The following CDH13 variants were observed in gnomAD, a reference collection of about 807,000 sequenced individuals.
CDH13 encodes the protein cadherin-13.
Under a neutral mutation model 63.8 loss-of-function variants are expected in CDH13, and 24 were observed. The observed-to-expected ratio is 0.38, with a 90% CI of 0.27 to 0.53. CDH13 has a LOEUF of 0.53. CDH13 is among the 20% of genes least tolerant of loss of function. CDH13 has a pLI of 0.85. For missense variants in CDH13, 1,049 were observed against 903.1 expected (o/e 1.16, Z -2.07); for synonymous variants, 503 against 355.3 (o/e 1.42, Z -4.67).
At chr16:82,733,398 G>A (rs976010914) in intron 1 of CDH13, among the ~76,000 whole-genome samples, 14 of 152,160 alleles carry the variant, frequency 9.2e-5, no homozygotes, top group South Asian at 4.2e-4. Context: ...GATCTATTGC[G>A]TGTATATGTG....
At position 82,757,026 on chromosome 16, in the gene CDH13, A is replaced by G. The variant is rs1311978415; in HGVS notation, c.46-101336A>G. On this transcript the variant is annotated intron_variant, in intron 1 of 13. Transcript: ENST00000567109. ...CTTTTCCTCTTTCTTTGCCTGGCAAACTGTTACTTGCCCATCAGGATCCAT... is the reference window on the plus strand; with the variant it reads ...CTTTTCCTCTTTCTTTGCCTGGCAAGCTGTTACTTGCCCATCAGGATCCAT... 2.0e-5 allele frequency among the ~76,000 whole-genome samples: 3 copies of G among 151,866 alleles called. No individual in the cohort carries two copies. The East Asian group carries it at 5.8e-4, about 29-fold the overall frequency.
intron 6 of CDH13, among the ~76,000 whole-genome samples, chr16:83,345,903 C>T (rs959250899): frequency 3.9e-5 from 6 of 152,042 alleles, no homozygotes; most frequent in East Asian, 1.9e-4. Context: ...GAGATGAGAG[C>T]GGCTTTTACT....
At chr16:83,254,208 C>T (rs1174018822) in intron 5 of CDH13, among the ~76,000 whole-genome samples, 1 of 152,174 alleles carries the variant, frequency 6.6e-6, no homozygotes, top group East Asian at 1.9e-4. Flanking sequence ...TTAGCCTCCC[C>T]ACCTGGGGAT....
chr16:82,691,922 C>T (rs1487874918), intron 1 of CDH13, among the ~76,000 whole-genome samples: 1 of 151,998 alleles, frequency 6.6e-6, no homozygotes, highest in Non-Finnish European at 1.5e-5. Flanking sequence ...CTGCCAGCAA[C>T]CTGTATTTTC....
intron 3 of CDH13, among the ~76,000 whole-genome samples, chr16:83,105,706 G>A (rs2034729839): frequency 6.6e-6 from 1 of 152,190 alleles, no homozygotes; most frequent in Admixed American, 6.5e-5. Flanking sequence ...GGACCTGGCA[G>A]ATGAAACCAG....
chr16:82,808,101 T>C (rs930876001), intron 1 of CDH13, among the ~76,000 whole-genome samples: 1 of 152,172 alleles, frequency 6.6e-6, no homozygotes, highest in Non-Finnish European at 1.5e-5. Context: ...TCCAGCTAAC[T>C]AGCTCAGTGA....
intron 7 of CDH13, among the ~76,000 whole-genome samples, chr16:83,580,869 G>T (rs1038063654): frequency 6.6e-6 from 1 of 152,114 alleles, no homozygotes; most frequent in East Asian, 1.9e-4. Flanking sequence ...GGAGTTAATT[G>T]TAAGTAGAAA....
At chr16:82,935,120 C>T (rs921352651) in intron 2 of CDH13, among the ~76,000 whole-genome samples, 1 of 152,186 alleles carries the variant, frequency 6.6e-6, no homozygotes, top group African/African-American at 2.4e-5. Flanking sequence ...GTTTAATTGA[C>T]TCACAGTTTT....
intron 7 of CDH13, among the ~76,000 whole-genome samples, chr16:83,487,173 T>C (rs369176207): frequency 2.6e-5 from 4 of 152,156 alleles, no homozygotes; most frequent in African/African-American, 9.7e-5. Context: ...CCGTGAAATC[T>C]CCCCCGTCTC....
intron 6 of CDH13, among the ~76,000 whole-genome samples, chr16:83,420,985 C>G (rs1052390346): frequency 7.2e-5 from 11 of 152,178 alleles, no homozygotes; most frequent in African/African-American, 2.7e-4. Context: ...TTTGTTCTAG[C>G]CATGCCGACA....
At chr16:82,789,224 A>C (rs1567535632) in intron 1 of CDH13, among the ~76,000 whole-genome samples, 1 of 152,244 alleles carries the variant, frequency 6.6e-6, no homozygotes, top group Non-Finnish European at 1.5e-5. Flanking sequence ...GGTTGATCAC[A>C]GAAACTAGAG....
intron 4 of CDH13, among the ~76,000 whole-genome samples, chr16:83,216,449 A>C (rs13336145): frequency 3.5e-5 from 1 of 28,754 alleles, no homozygotes; most frequent in Non-Finnish European, 9.5e-5. Flanking sequence ...TATATACACA[A>C]CCCTAATTTG....
chr16:82,958,078 T>A (rs1400054300), intron 2 of CDH13, among the ~76,000 whole-genome samples: 1 of 152,156 alleles, frequency 6.6e-6, no homozygotes, highest in East Asian at 1.9e-4. Flanking sequence ...AACTCACAGA[T>A]TCCTAACTAA....
intron 1 of CDH13, among the ~76,000 whole-genome samples, chr16:82,798,326 C>T (rs2036688188): frequency 6.6e-6 from 1 of 152,206 alleles, no homozygotes. Context: ...TCAGGTCTGT[C>T]TGATTTCAGA....
intron 5 of CDH13, 126 bp from the exon 6 acceptor site, chr16:83,344,736 C>G (rs879684663): frequency 2.4e-5 from 24 of 997,396 alleles, no homozygotes; most frequent in Non-Finnish European, 3.1e-5. Context: ...CCTCTGAGAC[C>G]AAAATTTCAA....
At chr16:82,850,786 A>T (rs189004779) in intron 1 of CDH13, among the ~76,000 whole-genome samples, 35 of 152,262 alleles carry the variant, frequency 2.3e-4, no homozygotes, top group Non-Finnish European at 4.0e-4. Flanking sequence ...TGGAGGCAAG[A>T]CCCTCACCAG....
At position 83,699,249 on chromosome 16, in the gene CDH13, A is replaced by G. The variant is rs539825597; in HGVS notation, c.1538+20788A>G. ...ATCATCATTCTGCCTCCTGTTGCCAATATTCAAAATAGCACCAGTTGTTTT... is the reference window on the plus strand; with the variant it reads ...ATCATCATTCTGCCTCCTGTTGCCAGTATTCAAAATAGCACCAGTTGTTTT... On this transcript the variant is annotated intron_variant, in intron 10 of 13. Coordinates refer to ENST00000567109, the MANE Select transcript of CDH13 (RefSeq NM_001257.5). 2.0e-3 allele frequency among the ~76,000 whole-genome samples: 299 copies of G among 152,356 alleles called. 1 individual carries two copies. Among genetic ancestry groups the G allele is most frequent in the African/African-American group, 6.9e-3 (288 of 41,584 alleles).
chr16:82,887,865 T>C (rs939816369), intron 2 of CDH13, among the ~76,000 whole-genome samples: 10 of 151,986 alleles, frequency 6.6e-5, no homozygotes, highest in Admixed American at 2.0e-4. Flanking sequence ...GGTTTTTTTT[T>C]CCAGCAGGTG....
At chr16:83,394,371 G>C (rs1284494642) in intron 6 of CDH13, among the ~76,000 whole-genome samples, 1 of 152,138 alleles carries the variant, frequency 6.6e-6, no homozygotes, top group African/African-American at 2.4e-5. Flanking sequence ...CAGCCTGAAA[G>C]AGGCGAGAGA....
Sources: allele counts gnomAD v4.1 joint callset (sites outside exome capture counted in the v4.1 genomes callset), GRCh38; gene constraint gnomAD v4.1.1; transcripts MANE v1.5; gene names NCBI Gene and HGNC (gene_info 2026-07-23, HGNC 2026-07-21).